RBMS3: variants seen among roughly 807,000 people sequenced by gnomAD.
RBMS3 encodes RNA-binding motif, single-stranded-interacting protein 3.
In RBMS3, 27 loss-of-function variants were observed where a neutral mutation model predicts 66.8. The ratio of observed to expected loss-of-function variants is 0.40; its 90% CI spans 0.30 to 0.56. The LOEUF is 0.56. Among genes scored for constraint, RBMS3 ranks in the 20% least tolerant of loss-of-function variants. The pLI is 0.40. For missense variants in RBMS3, 513 were observed against 549.5 expected, an observed-to-expected ratio of 0.93 and a Z score of 0.66; for synonymous variants, 188 against 183.0, an observed-to-expected ratio of 1.03 and a Z score of -0.22.
At chr3:29,770,070 C>A (rs1056404468) in intron 6 of RBMS3, among the ~76,000 whole-genome samples, 5 of 151,830 alleles carry the variant, frequency 3.3e-5, no homozygotes, top group African/African-American at 9.7e-5. Flanking sequence ...TTAAAGAACT[C>A]ATTCTTGAAC....
At chr3:29,511,921 T>C (rs1458558807) in intron 3 of RBMS3, among the ~76,000 whole-genome samples, 2 of 152,126 alleles carry the variant, frequency 1.3e-5, no homozygotes, top group African/African-American at 4.8e-5. Flanking sequence ...TGGAATTCCC[T>C]GGAGAGAAGA....
chr3:29,599,212 A>G lies in RBMS3; in HGVS notation c.399+12007A>G, dbSNP rs77624291. Among the ~76,000 whole-genome samples the G allele has an allele frequency of 3.1e-3, 475 of 151,736 alleles. 3 individuals carry two copies. Among genetic ancestry groups the G allele is most frequent in the African/African-American group, 0.011 (457 of 41,424 alleles). ...TAACATAATAGGGTATCTGTAGCCA[A>G]TAATAACTTTATTATACATTTTAAA... On this transcript the variant is annotated intron_variant, in intron 4 of 14. Coordinates refer to ENST00000383767, the MANE Select transcript of RBMS3 (RefSeq NM_001003793.3).
rs988956268 is a variant in RBMS3 at position 29,530,030 on chromosome 3, A to G, written c.307+41531A>G. 4.6e-5 allele frequency among the ~76,000 whole-genome samples: 7 copies of G among 152,238 alleles called. No individual in the cohort carries two copies. In the East Asian group the frequency reaches 9.6e-4, roughly 21 times the overall value. On this transcript the variant is annotated intron_variant, in intron 3 of 14. Transcript: ENST00000383767. The stretch of plus-strand genomic sequence containing the variant: ...GTAAATATTTTCTTCATTCCAATAT[A>G]TTTCATTGTCCTCTTGAGATTTGCA...
chr3:29,829,810 AGCACCATCAAGAG>A (rs576817166), intron 6 of RBMS3, among the ~76,000 whole-genome samples: 13,838 of 152,202 alleles, frequency 0.091, 662 homozygotes, highest in East Asian at 0.16. Flanking sequence ...CAGACTAGAA[AGCACCATCAAGAG>A]GAGAATGCCT....
intron 12 of RBMS3, among the ~76,000 whole-genome samples, chr3:29,966,868 G>A (rs1364006553): frequency 6.6e-6 from 1 of 152,122 alleles, no homozygotes; most frequent in Non-Finnish European, 1.5e-5. Context: ...TATGTCCCTT[G>A]TATGCCAATT....
At chr3:29,849,206 G>GTGTGTGTGTGTA (rs2058868424) in intron 6 of RBMS3, among the ~76,000 whole-genome samples, 1 of 150,868 alleles carries the variant, frequency 6.6e-6, no homozygotes, top group Non-Finnish European at 1.5e-5. Flanking sequence ...GTGTGTGTGT[G>GTGTGTGTGTGTA]TGTATTTCAC....
chr3:29,650,001 G>A (rs1192173856), intron 4 of RBMS3, among the ~76,000 whole-genome samples: 1 of 152,112 alleles, frequency 6.6e-6, no homozygotes, highest in African/African-American at 2.4e-5. Context: ...TTCCCTATTG[G>A]CCACGCCCCT....
intron 1 of RBMS3, among the ~76,000 whole-genome samples, chr3:29,381,335 A>G (rs1479943747): frequency 6.6e-6 from 1 of 152,220 alleles, no homozygotes; most frequent in Admixed American, 6.5e-5. Flanking sequence ...CAAGTGGTCC[A>G]GAAAGCTTGA....
intron 2 of RBMS3, among the ~76,000 whole-genome samples, chr3:29,441,225 G>C (rs1426888003): frequency 6.6e-6 from 1 of 152,098 alleles, no homozygotes; most frequent in Non-Finnish European, 1.5e-5. Context: ...CACGATGTTG[G>C]AATTCCTTGA....
intron 12 of RBMS3, among the ~76,000 whole-genome samples, chr3:29,964,541 T>G (rs75616295): frequency 0.038 from 5,711 of 152,220 alleles, 210 homozygotes; most frequent in African/African-American, 0.089. Flanking sequence ...AACTTTCTTT[T>G]TCTGAACTTT....
chr3:29,624,909 T>C (rs1379477666), intron 4 of RBMS3, among the ~76,000 whole-genome samples: 2 of 152,134 alleles, frequency 1.3e-5, no homozygotes, highest in African/African-American at 2.4e-5. Context: ...TGTCTCTGTG[T>C]CCCCACCCAA....
At chr3:29,990,998 T>G in intron 13 of RBMS3, 84 bp from the exon 14 acceptor site, 1 of 1,372,926 alleles carries the variant, frequency 7.3e-7, no homozygotes. Flanking sequence ...TTAAGCCAAA[T>G]AGAAGAGGGG....
chr3:29,712,767 G>A (rs1013651371), intron 4 of RBMS3, among the ~76,000 whole-genome samples: 1 of 152,132 alleles, frequency 6.6e-6, no homozygotes, highest in African/African-American at 2.4e-5. Context: ...ATCTTCTCAT[G>A]TCCTTGGACA....
intron 3 of RBMS3, among the ~76,000 whole-genome samples, chr3:29,495,604 G>A (rs2043718540): frequency 6.6e-6 from 1 of 151,256 alleles, no homozygotes; most frequent in Admixed American, 6.6e-5. Context: ...ATTTTTATTA[G>A]AGACAAGGTT....
intron 2 of RBMS3, among the ~76,000 whole-genome samples, chr3:29,455,836 A>G (rs868348896): frequency 8.5e-5 from 13 of 152,242 alleles, no homozygotes; most frequent in Middle Eastern, 3.4e-3. Flanking sequence ...TGTGAAAAAC[A>G]TGGCAGTAAA....
intron 12 of RBMS3, among the ~76,000 whole-genome samples, chr3:29,970,648 ATCCCATACC>A (rs1259970283): frequency 2.0e-5 from 3 of 152,184 alleles, no homozygotes; most frequent in Admixed American, 6.5e-5. Context: ...AAAATCCTCA[ATCCCATACC>A]CTTTAGAAGT....
intron 6 of RBMS3, among the ~76,000 whole-genome samples, chr3:29,801,637 A>G (rs926626319): frequency 1.3e-5 from 2 of 152,170 alleles, no homozygotes; most frequent in East Asian, 1.9e-4. Context: ...TTTCTTCCTC[A>G]TTTATGAGCT....
At chr3:29,439,147 G>T (rs1301188171) in intron 2 of RBMS3, among the ~76,000 whole-genome samples, 1 of 152,042 alleles carries the variant, frequency 6.6e-6, no homozygotes, top group Non-Finnish European at 1.5e-5. Context: ...GAGAGAAAGA[G>T]GTAAAGTGTG....
At chr3:29,790,121 A>G (rs1388798856) in intron 6 of RBMS3, among the ~76,000 whole-genome samples, 3 of 152,214 alleles carry the variant, frequency 2.0e-5, no homozygotes, top group Admixed American at 2.0e-4. Context: ...GATGTTAAAC[A>G]CATTTTTACA....
Sources: allele counts gnomAD v4.1 joint callset (sites outside exome capture counted in the v4.1 genomes callset), GRCh38; gene constraint gnomAD v4.1.1; transcripts MANE v1.5; gene names NCBI Gene and HGNC (gene_info 2026-07-23, HGNC 2026-07-21).